The following ARID1B variants were observed in gnomAD, a reference collection of about 807,000 sequenced individuals.
ARID1B encodes AT-rich interactive domain-containing protein 1B.
ARID1B carries 30 observed loss-of-function variants against 212.3 expected under a neutral mutation model. The observed-to-expected ratio is 0.14, with a 90% CI of 0.11 to 0.19. ARID1B has a LOEUF of 0.19. ARID1B is among the 10% of genes least tolerant of loss of function. The probability of loss-of-function intolerance (pLI) is 1.00; values close to 1 mark genes in which losing one functional copy is unlikely to be tolerated. For synonymous variants in ARID1B, 1,402 were observed against 1,301.7 expected (o/e 1.08, Z -1.66); for missense variants, 2,891 against 3,204.0 (o/e 0.90, Z 2.36).
At position 156,990,263 on chromosome 6, in the gene ARID1B, T is replaced by C. The variant is rs1177664591; in HGVS notation, c.2247+54687T>C. ...ATCATAGCTCACTGCAGCCTGGAAC[T>C]CCCGGCTCAAGCGATTCTCCCACCT... On this transcript the variant is annotated intron_variant, in intron 4 of 19. Coordinates refer to ENST00000636930, the MANE Select transcript of ARID1B (RefSeq NM_001374828.1). 4.7e-5 allele frequency among the ~76,000 whole-genome samples: 7 copies of C among 150,184 alleles called. No homozygotes were observed. In the South Asian group the frequency reaches 8.6e-4, roughly 19 times the overall value.
intron 9 of ARID1B, chr6:157,169,605 A>G (rs1294882288): frequency 6.6e-6 from 1 of 152,266 alleles, no homozygotes; most frequent in Non-Finnish European, 1.5e-5. Context: ...GGACAAAATT[A>G]CAAATCACTG....
chr6:157,036,832 C>G (rs1388790835), intron 4 of ARID1B: 2 of 499,876 alleles, frequency 4.0e-6, no homozygotes, highest in South Asian at 3.1e-5. Flanking sequence ...CTTATGATTT[C>G]AGGTTGAAGT....
At chr6:156,865,422 C>G (rs1010028286) in intron 2 of ARID1B, among the ~76,000 whole-genome samples, 1 of 152,190 alleles carries the variant, frequency 6.6e-6, no homozygotes, top group African/African-American at 2.4e-5. Flanking sequence ...ACCAGTCTTG[C>G]TGTTGTGAAG....
chr6:157,149,735 G>A (rs1790065978), intron 8 of ARID1B: 1 of 152,188 alleles, frequency 6.6e-6, no homozygotes, highest in Non-Finnish European at 1.5e-5. Flanking sequence ...TTTGAAAGAT[G>A]TGTATCTTAA....
intron 3 of ARID1B, among the ~76,000 whole-genome samples, chr6:156,923,347 C>A (rs1409423576): frequency 6.6e-6 from 1 of 152,158 alleles, no homozygotes; most frequent in Non-Finnish European, 1.5e-5. Flanking sequence ...TCCTGGACCC[C>A]ATCCTCCGGT....
intron 4 of ARID1B, among the ~76,000 whole-genome samples, chr6:157,031,945 C>T (rs111385709): frequency 0.051 from 7,760 of 152,164 alleles, 344 homozygotes; most frequent in African/African-American, 0.12. Context: ...TACCGGCATG[C>T]GCCACCACGC....
At chr6:157,004,146 C>T (rs1036549584) in intron 4 of ARID1B, among the ~76,000 whole-genome samples, 1 of 152,062 alleles carries the variant, frequency 6.6e-6, no homozygotes, top group Non-Finnish European at 1.5e-5. Flanking sequence ...CTCAAGCAAT[C>T]CTCTCGTTCT....
intron 3 of ARID1B, among the ~76,000 whole-genome samples, chr6:156,929,734 G>A (rs1434846285): frequency 2.6e-5 from 4 of 152,102 alleles, no homozygotes; most frequent in African/African-American, 7.2e-5. Context: ...CACCATGGAG[G>A]CTCTGTTGCA....
At chr6:157,118,334 G>A (rs1226681559) in intron 6 of ARID1B, among the ~76,000 whole-genome samples, 2 of 152,172 alleles carry the variant, frequency 1.3e-5, no homozygotes, top group Non-Finnish European at 2.9e-5. Context: ...ATGCTGAGAT[G>A]TATCATAAGA....
At chr6:156,967,409 T>C (rs1215750446) in intron 4 of ARID1B, among the ~76,000 whole-genome samples, 1 of 152,208 alleles carries the variant, frequency 6.6e-6, no homozygotes, top group Admixed American at 6.5e-5. Flanking sequence ...TGAAGATAAA[T>C]TAGCTGTCAC....
At chr6:156,945,668 G>T (rs1252372583) in intron 4 of ARID1B, among the ~76,000 whole-genome samples, 1 of 152,154 alleles carries the variant, frequency 6.6e-6, no homozygotes, top group Non-Finnish European at 1.5e-5. Context: ...TTTGGCTTTA[G>T]AATGGTAATA....
At chr6:156,938,058 C>G (rs1478505432) in intron 4 of ARID1B, 1 of 151,750 alleles carries the variant, frequency 6.6e-6, no homozygotes, top group Non-Finnish European at 1.5e-5. Flanking sequence ...CCTGCTACAC[C>G]TAAAACCCCC....
chr6:156,794,298 A>C (rs1446949759), intron 1 of ARID1B, among the ~76,000 whole-genome samples: 1 of 151,566 alleles, frequency 6.6e-6, no homozygotes, highest in Non-Finnish European at 1.5e-5. Flanking sequence ...CGCTCAGCCT[A>C]GAGTGCTGTG....
At chr6:157,070,339 A>T (rs1478742552) in intron 4 of ARID1B, among the ~76,000 whole-genome samples, 1 of 152,122 alleles carries the variant, frequency 6.6e-6, no homozygotes, top group African/African-American at 2.4e-5. Flanking sequence ...CTATATTGGA[A>T]TTATTGTAAG....
chr6:157,185,881 G>A (rs1031878096), intron 13 of ARID1B: 2 of 152,198 alleles, frequency 1.3e-5, no homozygotes, highest in East Asian at 1.9e-4. Flanking sequence ...AGAAATCCTC[G>A]CTAACCTCAT....
intron 3 of ARID1B, among the ~76,000 whole-genome samples, chr6:156,922,313 C>T (rs1168755820): frequency 6.6e-6 from 1 of 151,952 alleles, no homozygotes; most frequent in African/African-American, 2.4e-5. Flanking sequence ...GCTGGGGTTA[C>T]AGGTGCATGC....
At chr6:156,903,335 A>G (rs1478282631) in intron 3 of ARID1B, among the ~76,000 whole-genome samples, 4 of 152,240 alleles carry the variant, frequency 2.6e-5, no homozygotes, top group East Asian at 1.9e-4. Context: ...TAAATACTCT[A>G]TAACCATGAC....
intron 4 of ARID1B, among the ~76,000 whole-genome samples, chr6:156,989,630 T>C (rs1171827399): frequency 2.0e-5 from 3 of 152,236 alleles, no homozygotes; most frequent in Non-Finnish European, 4.4e-5. Context: ...TAAGCCTCAC[T>C]TTCCCCATCT....
At chr6:157,160,324 T>C (rs956741809) in intron 8 of ARID1B, among the ~76,000 whole-genome samples, 2 of 152,204 alleles carry the variant, frequency 1.3e-5, no homozygotes, top group African/African-American at 4.8e-5. Flanking sequence ...ATGTTCTTTA[T>C]TTCAGTGACT....
Sources: gnomAD v4.1 joint callset for allele counts (sites outside exome capture counted in the v4.1 genomes callset) on GRCh38, gnomAD v4.1.1 for gene constraint, MANE v1.5 for transcripts, NCBI Gene and HGNC (gene_info 2026-07-23, HGNC 2026-07-21) for gene names.